ERBB4: variants seen among roughly 807,000 people sequenced by gnomAD.
The protein encoded by ERBB4 is receptor tyrosine-protein kinase erbB-4.
Under a neutral mutation model 158.0 loss-of-function variants are expected in ERBB4, and 42 were observed. The observed-to-expected ratio is 0.27, with a 90% CI of 0.21 to 0.34. ERBB4 has a LOEUF of 0.34. ERBB4 is among the 10% of genes least tolerant of loss of function. The pLI, the probability that ERBB4 is intolerant of heterozygous loss-of-function variation, is 1.00. For synonymous variants in ERBB4, 583 were observed against 558.7 expected (o/e 1.04, Z -0.61); for missense variants, 1,333 against 1,624.1 (o/e 0.82, Z 3.08).
intron 2 of ERBB4, among the ~76,000 whole-genome samples, chr2:212,003,381 G>GT (rs1397205342): frequency 6.7e-6 from 1 of 149,256 alleles, no homozygotes; most frequent in Non-Finnish European, 1.5e-5. Flanking sequence ...GAGCTAAAGC[G>GT]TTTTTTCGTA....
At chr2:211,666,111 C>T (rs935593462) in intron 14 of ERBB4, among the ~76,000 whole-genome samples, 29 of 151,996 alleles carry the variant, frequency 1.9e-4, no homozygotes, top group African/African-American at 6.0e-4. Context: ...GGAATTAGGC[C>T]GTTTAGGTGA....
intron 1 of ERBB4, among the ~76,000 whole-genome samples, chr2:212,194,072 C>T (rs1354303343): frequency 6.6e-6 from 1 of 151,962 alleles, no homozygotes; most frequent in Non-Finnish European, 1.5e-5. Flanking sequence ...ATGTCTCTTG[C>T]ATTTGCAGCA....
At chr2:212,253,176 G>A (rs2084604534) in intron 1 of ERBB4, among the ~76,000 whole-genome samples, 1 of 152,060 alleles carries the variant, frequency 6.6e-6, no homozygotes, top group African/African-American at 2.4e-5. Context: ...ATCTGTAATC[G>A]TTCTGGGGCT....
intron 1 of ERBB4, among the ~76,000 whole-genome samples, chr2:212,487,891 C>T (rs1040520360): frequency 6.6e-6 from 1 of 152,070 alleles, no homozygotes; most frequent in Non-Finnish European, 1.5e-5. Context: ...GACTTTGCTC[C>T]ACTTACTTTC....
chr2:211,621,942 C>T (rs931767582), intron 18 of ERBB4, among the ~76,000 whole-genome samples: 1 of 151,990 alleles, frequency 6.6e-6, no homozygotes, highest in Non-Finnish European at 1.5e-5. Flanking sequence ...TCTGTGAATA[C>T]GGAGATTTGT....
chr2:212,486,557 T>A (rs1238548528), intron 1 of ERBB4, among the ~76,000 whole-genome samples: 2 of 152,162 alleles, frequency 1.3e-5, no homozygotes, highest in Non-Finnish European at 2.9e-5. Context: ...TGCCTCTAGG[T>A]AGTACCTTTT....
In ERBB4 at chr2:212,095,916, C is replaced by T. The variant is rs1257401154; in HGVS notation, c.234+28836G>A. On this transcript the variant is annotated intron_variant, in intron 2 of 27. Transcript: ENST00000342788. ...TGCTACTGCACTCCAGCCTGGGCAA[C>T]AGAGCGAGACTCTGTCTCAAAAAAA... 6.7e-5 allele frequency among the ~76,000 whole-genome samples: 8 copies of T among 120,248 alleles called. No individual in the cohort carries two copies. In the Admixed American group the frequency reaches 8.8e-4, roughly 13 times the overall value. 78.9% of individuals were successfully genotyped at this position (120,248 alleles called of 152,430 possible).
chr2:211,399,221 C>T (rs2062983506), intron 25 of ERBB4, among the ~76,000 whole-genome samples: 1 of 152,184 alleles, frequency 6.6e-6, no homozygotes, highest in Non-Finnish European at 1.5e-5. Flanking sequence ...TTTATTTCAT[C>T]AGTGTGTCTT....
intron 2 of ERBB4, among the ~76,000 whole-genome samples, chr2:211,950,106 C>T (rs1366124902): frequency 1.3e-5 from 2 of 152,186 alleles, no homozygotes; most frequent in South Asian, 2.1e-4. Context: ...TTAGATTCTG[C>T]ACTCTCCCCT....
intron 3 of ERBB4, among the ~76,000 whole-genome samples, chr2:211,913,084 G>C (rs559009111): frequency 6.6e-6 from 1 of 152,204 alleles, no homozygotes; most frequent in African/African-American, 2.4e-5. Flanking sequence ...TCATTCTGAA[G>C]GCTCCCATCT....
At chr2:211,851,625 A>T (rs2106034310) in intron 3 of ERBB4, among the ~76,000 whole-genome samples, 1 of 152,094 alleles carries the variant, frequency 6.6e-6, no homozygotes, top group South Asian at 2.1e-4. Context: ...CTTGTGCATC[A>T]TCAAAAAATA....
chr2:211,575,190 C>G (rs555969262), intron 19 of ERBB4, among the ~76,000 whole-genome samples: 2 of 152,266 alleles, frequency 1.3e-5, no homozygotes, highest in African/African-American at 4.8e-5. Flanking sequence ...CTAGGTAGAT[C>G]TAGCAGATTT....
intron 3 of ERBB4, among the ~76,000 whole-genome samples, chr2:211,895,969 T>A (rs2079087624): frequency 6.6e-6 from 1 of 152,118 alleles, no homozygotes; most frequent in Non-Finnish European, 1.5e-5. Context: ...TGTTCCCAGG[T>A]CTCTAGTCAT....
At chr2:212,187,380 C>A (rs1490230621) in intron 1 of ERBB4, among the ~76,000 whole-genome samples, 2 of 150,826 alleles carry the variant, frequency 1.3e-5, no homozygotes, top group East Asian at 3.9e-4. Flanking sequence ...ATGTAACTAA[C>A]CTGCACAATG....
intron 1 of ERBB4, among the ~76,000 whole-genome samples, chr2:212,444,681 G>A (rs1453357370): frequency 6.6e-6 from 1 of 152,146 alleles, no homozygotes; most frequent in Non-Finnish European, 1.5e-5. Flanking sequence ...GGCCACGGTG[G>A]CAGGGATGGA....
At chr2:211,563,290 A>G (rs78673034) in intron 19 of ERBB4, among the ~76,000 whole-genome samples, 5,370 of 152,242 alleles carry the variant, frequency 0.035, 317 homozygotes, top group African/African-American at 0.12. Flanking sequence ...CCAATAAAAT[A>G]TTGTTCATCT....
At chr2:212,512,974 C>T (rs1691608854) in intron 1 of ERBB4, among the ~76,000 whole-genome samples, 1 of 152,144 alleles carries the variant, frequency 6.6e-6, no homozygotes, top group Non-Finnish European at 1.5e-5. Flanking sequence ...ACTATTGTTG[C>T]AGTTTCCCCT....
rs1234122294 is a variant in ERBB4 at position 211,976,766 on chromosome 2, C to G, written c.235-29150G>C. On this transcript the variant is annotated intron_variant, in intron 2 of 27. Transcript: ENST00000342788. ...CCAAAATAAAACCAGTTTTAGCCAACAAGTCCGAGGCAACATCTACAATGG... is the reference window on the plus strand; with the variant it reads ...CCAAAATAAAACCAGTTTTAGCCAAGAAGTCCGAGGCAACATCTACAATGG... Among the ~76,000 whole-genome samples, 3 of 151,992 alleles carry G rather than the reference C, an allele frequency of 2.0e-5. No individual in the cohort carries two copies. The East Asian group carries it at 5.8e-4, about 29-fold the overall frequency.
chr2:211,817,465 G>A (rs1453188578), intron 3 of ERBB4, among the ~76,000 whole-genome samples: 1 of 152,102 alleles, frequency 6.6e-6, no homozygotes, highest in Non-Finnish European at 1.5e-5. Context: ...ACATATACAT[G>A]TATATCAACC....
Sources: allele counts gnomAD v4.1 joint callset (sites outside exome capture counted in the v4.1 genomes callset), GRCh38; gene constraint gnomAD v4.1.1; transcripts MANE v1.5; gene names NCBI Gene and HGNC (gene_info 2026-07-23, HGNC 2026-07-21).